NOL6: variants seen among roughly 807,000 people sequenced by gnomAD.
NOL6 encodes the protein nucleolar protein 6.
NOL6 carries 33 observed loss-of-function variants against 131.7 expected under a neutral mutation model. That is an observed-to-expected ratio of 0.25 (90% CI 0.19 to 0.33). The LOEUF (loss-of-function observed/expected upper bound fraction) is 0.33, where lower values mean the gene tolerates loss of function less well. Among genes scored for constraint, NOL6 ranks in the 10% least tolerant of loss-of-function variants. NOL6 has a pLI of 1.00. For missense variants in NOL6, 1,297 were observed against 1,494.5 expected, an observed-to-expected ratio of 0.87 and a Z score of 2.18; for synonymous variants, 580 against 605.7, an observed-to-expected ratio of 0.96 and a Z score of 0.62.
Position 33,468,548 on chromosome 9 carries a change from A to G in NOL6, c.1166T>C (p.Val389Ala). ...GCTGAGACATAAACTGATCCCGTTG[A>G]CTGTCAGGTCTGTAGTGGCTGAAGT... ...LQFLATTDLT[V>A]NGISLCLSSD... The change falls in exon 9 of 26, where the codon GTC becomes GCC. Residue 389 changes from valine (V) to alanine (A), a missense_variant. Coordinates refer to ENST00000297990, the MANE Select transcript of NOL6 (RefSeq NM_022917.5). 6.2e-7 allele frequency: 1 copy of G among 1,614,132 alleles called. No homozygotes were observed. The highest frequency in any genetic ancestry group is 8.5e-7 in the Non-Finnish European group (1 of 1,180,020).
rs1398832051 is a variant in NOL6 at position 33,464,021 on chromosome 9, A to T, written c.2904+16T>A. The T allele has an allele frequency of 1.9e-6, 3 of 1,612,538 alleles. No homozygotes were observed. The East Asian group carries it at 6.7e-5, about 36-fold the overall frequency. On this transcript the variant is annotated intron_variant, in intron 22 of 25. Transcript: ENST00000297990. ...GGAAGAAAACCACACATTAGGGGGC[A>T]GGTATGGGGTTGAACCTGGGCTGAG... is the stretch of plus-strand genomic sequence containing the variant.
At chr9:33,470,403 A>G (rs905894416) in intron 3 of NOL6, 5 of 388,896 alleles carry the variant, frequency 1.3e-5, no homozygotes, top group African/African-American at 1.0e-4. Context: ...AAGAATACCC[A>G]TTTTACGAGC....
intron 21 of NOL6, 81 bp downstream of exon 21, chr9:33,464,798 C>A: frequency 9.7e-7 from 1 of 1,035,938 alleles, no homozygotes; most frequent in Non-Finnish European, 1.5e-6. Context: ...CAGAGAAAAC[C>A]TAACACTGCC....
chr9:33,473,665 A>G (rs1010974627), intron 1 of NOL6, 124 bp downstream of exon 1: 2 of 1,095,694 alleles, frequency 1.8e-6, no homozygotes, highest in Admixed American at 4.1e-5. Context: ...CTGGCTGGAA[A>G]CATCCTCCAG....
rs373302979 is a variant in NOL6 at position 33,469,245 on chromosome 9, C to A, written c.824G>T (p.Arg275Leu). 4.3e-6 allele frequency: 7 copies of A among 1,614,214 alleles called. No individual in the cohort carries two copies. The South Asian group carries it at 7.7e-5, about 18-fold the overall frequency. ...CRLLPTKNNV[R>L]SAWYRGQSPA... is the part of the protein sequence containing the mutation. ...ACTCTGCCCTCGGTACCAGGCAGAG[C>A]GCACATTGTTCTTGGTTGGCAGCAA... Residue 275 changes from arginine to leucine, a missense_variant, in exon 6 of 26, where the codon CGC (arginine) becomes CTC (leucine). By Grantham distance (102) the Arg-to-Leu change is moderately radical. Coordinates refer to ENST00000297990, the MANE Select transcript of NOL6 (RefSeq NM_022917.5).
Position 33,466,578 on chromosome 9 carries a change from G to C in NOL6, c.2082C>G (p.Arg694=). 6 of 1,614,142 alleles carry C rather than the reference G, an allele frequency of 3.7e-6. No individual in the cohort carries two copies. The highest frequency in any genetic ancestry group is 5.1e-6 in the Non-Finnish European group (6 of 1,180,024). The change falls in exon 16 of 26, where the codon CGC becomes CGG. Residue 694 remains arginine (R), a synonymous_variant. Transcript: ENST00000297990. ...SAVQGAHPVL[R]YTEVFPPTPV... is the part of the protein sequence containing the mutation. ...CACCGTTGCACCTCACCTCTGTGTA[G>C]CGCAGCACTGGGTGAGCTCCCTGAA...
At position 33,466,885 on chromosome 9, in the gene NOL6, C is replaced by T. The variant is rs113755202; in HGVS notation, c.1950+27G>A. 5.8e-5 allele frequency: 94 copies of T among 1,610,230 alleles called. No homozygotes were observed. The African/African-American group carries it at 9.5e-4, about 16-fold the overall frequency. On this transcript the variant is annotated intron_variant, in intron 15 of 25. Coordinates refer to ENST00000297990, the MANE Select transcript of NOL6 (RefSeq NM_022917.5). The stretch of plus-strand genomic sequence containing the variant: ...CCCCGCAGATTGATTACTCTACAAT[C>T]ACTAGCCTTGACCCCAAGACCCTTA...
At chr9:33,472,596 G>A (rs1324908778) in intron 1 of NOL6, 184 bp from the exon 2 acceptor site, 6 of 609,878 alleles carry the variant, frequency 9.8e-6, no homozygotes, top group Non-Finnish European at 1.5e-5. Flanking sequence ...GCGCTGAGCC[G>A]AAAATTCCTT....
intron 1 of NOL6, chr9:33,472,720 C>T: frequency 2.4e-6 from 1 of 421,002 alleles, no homozygotes; most frequent in South Asian, 2.4e-5. Flanking sequence ...CGCCTGTAAT[C>T]CCAGCAGTTT....
chr9:33,464,237 G>A (rs1035060894), intron 21 of NOL6, 76 bp from the exon 22 acceptor site: 20 of 1,505,218 alleles, frequency 1.3e-5, no homozygotes, highest in South Asian at 4.0e-5. Flanking sequence ...GTCCTCCTAC[G>A]GTGCCCCCAA....
In NOL6 at chr9:33,473,772, C is replaced by A; in HGVS notation, c.54+17G>T. On this transcript the variant is annotated intron_variant, in intron 1 of 25. Coordinates refer to ENST00000297990, the MANE Select transcript of NOL6 (RefSeq NM_022917.5). ...GCGCACATTGAGCCTCTGTTCCTCC[C>A]CGATGGCTCAACCCACCTCTGGCTC... 1 of 1,611,820 alleles carries A rather than the reference C, an allele frequency of 6.2e-7. No individual in the cohort carries two copies. The highest frequency in any genetic ancestry group is 1.1e-5 in the South Asian group (1 of 91,084).
rs1827289619 is a variant in NOL6, at chr9:33,467,825, T to G, written c.1468A>C (p.Lys490Gln). The G allele has an allele frequency of 1.2e-6, 2 of 1,603,506 alleles. No individual in the cohort carries two copies. Among genetic ancestry groups the G allele is most frequent in the Non-Finnish European group, 1.7e-6 (2 of 1,175,086 alleles). The stretch of plus-strand genomic sequence containing the variant: ...TTGTCCTGCAGCTCTGGCCAGAGCT[T>G]CAGCCGGTGGCACGCTGCCTGCAGG... ...SRLQAACHRL[K>Q]LWPELQDNGG... Residue 490 changes from lysine to glutamine, a missense_variant, in exon 12 of 26, where the codon AAG (lysine) becomes CAG (glutamine). Transcript: ENST00000297990. This position sits in a 1 kb window ranked among gnomAD's most constrained non-coding sequence, Gnocchi z 4.4.
intron 25 of NOL6, 96 bp downstream of exon 25, chr9:33,462,937 C>G: frequency 2.6e-6 from 4 of 1,535,960 alleles, no homozygotes; most frequent in Non-Finnish European, 3.6e-6. Flanking sequence ...GCACCTGACA[C>G]GGGTTTGCCC....
chr9:33,461,843 T>C lies in NOL6; in HGVS notation c.*821A>G, dbSNP rs192950464. ...CTGAAAGGAGGCAGCATTCTCCTCC[T>C]TGGGCCCTGGGAGCTCCTGGGGAGT... On this transcript the variant is annotated 3_prime_UTR_variant, in exon 26 of 26. Transcript: ENST00000297990. The C allele has an allele frequency of 6.7e-6, 2 of 297,246 alleles. No homozygotes were observed. The highest frequency in any genetic ancestry group is 1.0e-3 in the Middle Eastern group (1 of 992). The allele number at this position is 297,246 out of a possible 1,614,324, so 18.4% of individuals were successfully genotyped here.
chr9:33,468,810 G>A lies in NOL6; in HGVS notation c.1089C>T (p.Arg363=). The A allele has an allele frequency of 6.2e-7, 1 of 1,614,170 alleles. No individual in the cohort carries two copies. Residue 363 remains arginine, a synonymous_variant, in exon 8 of 26, where the codon CGC becomes CGT. Coordinates refer to ENST00000297990, the MANE Select transcript of NOL6 (RefSeq NM_022917.5). ...AGCCACTCATGGTGGTATGGATCTT[G>A]CGTGTAGACACAAGGAAGACAACCA... The part of the protein sequence containing the change: ...SMLVVFLVST[R]KIHTTMSGYQ...
At chr9:33,468,653 T>C (rs1827318438) in intron 8 of NOL6, 87 bp from the exon 9 acceptor site, 1 of 1,607,110 alleles carries the variant, frequency 6.2e-7, no homozygotes, top group Admixed American at 1.7e-5. Context: ...TTCAGTTTGC[T>C]CATCTGTCTG....
intron 25 of NOL6, 79 bp from the exon 26 acceptor site, chr9:33,462,892 G>A (rs527831497): frequency 1.3e-6 from 2 of 1,585,222 alleles, no homozygotes; most frequent in South Asian, 1.1e-5. Context: ...ACAGAGTGGG[G>A]GTGGTGGGGA....
intron 25 of NOL6, 59 bp downstream of exon 25, chr9:33,462,974 A>G: frequency 3.2e-6 from 5 of 1,552,074 alleles, no homozygotes. Context: ...ACAGACATGC[A>G]TGCCCACACA....
chr9:33,463,465 T>C, intron 23 of NOL6, 24 bp from the exon 24 acceptor site: 29 of 1,564,022 alleles, frequency 1.9e-5, no homozygotes, highest in Non-Finnish European at 2.4e-5. Flanking sequence ...GAAGGAGGGG[T>C]CAGCAGGACC....
Sources: allele counts gnomAD v4.1 joint callset, GRCh38; gene constraint gnomAD v4.1.1; non-coding constraint Gnocchi (gnomAD v3.1); transcripts MANE v1.5; gene names NCBI Gene and HGNC (gene_info 2026-07-23, HGNC 2026-07-21).